Variants in GYPB observed in about 807,000 individuals in gnomAD.
GYPB encodes the protein glycophorin-B.
Under a neutral mutation model 15.3 loss-of-function variants are expected in GYPB, and 13 were observed. That is an observed-to-expected ratio of 0.85 (90% CI 0.55 to 1.35). GYPB has a LOEUF of 1.35. GYPB is among the 40% of genes most tolerant of loss of function. GYPB has a pLI of 0.00. For synonymous variants in GYPB, 38 were observed against 36.9 expected (o/e 1.03, Z -0.11); for missense variants, 131 against 108.3 (o/e 1.21, Z -0.93).
chr4:144,001,087 G>A lies in GYPB; in HGVS notation c.136+98C>T. ...GTCTACTTAGCTCGCATTTCTCAGT[G>A]TTTGTCAGTTTCTCTGCAGTGACAG... On this transcript the variant is annotated intron_variant, in intron 2 of 4. Coordinates refer to ENST00000502664, the MANE Select transcript of GYPB (RefSeq NM_002100.6). 5.6e-6 allele frequency: 9 copies of A among 1,594,640 alleles called. 1 individual carries two copies. Among genetic ancestry groups the A allele is most frequent in the Middle Eastern group, 3.3e-4 (2 of 6,004 alleles).
chr4:143,995,996 C>T (rs182637125), downstream of GYPB: 1,871 of 454,782 alleles, frequency 4.1e-3, 86 homozygotes, highest in African/African-American at 0.031. Flanking sequence ...GCATGTTCTC[C>T]GCTGTTGGCT....
chr4:143,999,230 A>C, intron 3 of GYPB, 181 bp downstream of exon 3: 1 of 524,172 alleles, frequency 1.9e-6, no homozygotes, highest in East Asian at 3.8e-5. Flanking sequence ...TTTAAAAATA[A>C]GAAATGCCTA....
intron 3 of GYPB, among the ~76,000 whole-genome samples, chr4:143,998,472 A>G (rs1218436752): frequency 6.7e-6 from 1 of 150,244 alleles, no homozygotes; most frequent in Non-Finnish European, 1.5e-5. Context: ...CTTCTTGACC[A>G]CTTAGCTTGA....
chr4:144,017,337 C>CA (rs201667502), intron 1 of GYPB, among the ~76,000 whole-genome samples: 15,139 of 99,370 alleles, frequency 0.15, 2,328 homozygotes, highest in African/African-American at 0.4. Context: ...TTTTTCATAG[C>CA]AAAAAAAAAA....
intron 1 of GYPB, among the ~76,000 whole-genome samples, chr4:144,009,979 AG>A (rs754721753): frequency 2.0e-4 from 31 of 151,334 alleles, no homozygotes; most frequent in Non-Finnish European, 4.1e-4. Flanking sequence ...ATACAAAACT[AG>A]GGGGCCAGCC....
chr4:144,016,534 G>C (rs917235210), intron 1 of GYPB, among the ~76,000 whole-genome samples: 3 of 150,918 alleles, frequency 2.0e-5, no homozygotes, highest in Non-Finnish European at 4.4e-5. Flanking sequence ...AACTGTGCTA[G>C]ATTCTGGGAA....
At chr4:143,999,967 T>C (rs571049223) in intron 2 of GYPB, 127 of 172,082 alleles carry the variant, frequency 7.4e-4, no homozygotes, top group Admixed American at 2.6e-3. Context: ...TCAGTAGCAA[T>C]TGATAGTATG....
At chr4:144,004,518 G>C (rs760799431) in intron 1 of GYPB, among the ~76,000 whole-genome samples, 3 of 5,782 alleles carry the variant, frequency 5.2e-4, no homozygotes, top group Non-Finnish European at 4.0e-3. Context: ...TAAATAATTT[G>C]GTAGTTATTC....
At chr4:144,014,856 G>C (rs529818136) in intron 1 of GYPB, among the ~76,000 whole-genome samples, 7 of 151,604 alleles carry the variant, frequency 4.6e-5, no homozygotes, top group African/African-American at 1.7e-4. Context: ...CAAAGTAAGT[G>C]CTATATCAGT....
At position 143,998,732 on chromosome 4, in the gene GYPB, A is replaced by G. The variant is rs569769440; in HGVS notation, c.175+679T>C. On this transcript the variant is annotated intron_variant, in intron 3 of 4. Coordinates refer to ENST00000502664, the MANE Select transcript of GYPB (RefSeq NM_002100.6). Reference sequence around the variant, plus strand: ...CAGTACCAGTTAATTAGATGATTTTAAATGCCTTGCTTTTTACATGAGGGC... The same window carrying G: ...CAGTACCAGTTAATTAGATGATTTTGAATGCCTTGCTTTTTACATGAGGGC... 8.6e-5 allele frequency among the ~76,000 whole-genome samples: 12 copies of G among 139,210 alleles called. No individual in the cohort carries two copies. In the East Asian group the frequency reaches 2.4e-3, roughly 27 times the overall value. The allele number at this position is 139,210 out of a possible 152,430, so 91.3% of individuals were successfully genotyped here.
chr4:144,015,635 C>T (rs934397969), intron 1 of GYPB, among the ~76,000 whole-genome samples: 9 of 151,430 alleles, frequency 5.9e-5, no homozygotes, highest in Non-Finnish European at 8.8e-5. Context: ...TTTAAAATCA[C>T]TACGAAGTAA....
chr4:144,007,633 T>C (rs1727990569), intron 1 of GYPB, among the ~76,000 whole-genome samples: 1 of 151,522 alleles, frequency 6.6e-6, no homozygotes, highest in South Asian at 2.1e-4. Flanking sequence ...GAAATCAAGA[T>C]GAATTTCTGT....
intron 3 of GYPB, among the ~76,000 whole-genome samples, chr4:143,998,332 A>G (rs577947712): frequency 4.6e-5 from 7 of 151,482 alleles, no homozygotes; most frequent in African/African-American, 1.5e-4. Flanking sequence ...TATTTGTAGT[A>G]CTTCCAGATG....
At chr4:144,004,172 C>G (rs57855671) in intron 1 of GYPB, among the ~76,000 whole-genome samples, 1 of 151,822 alleles carries the variant, frequency 6.6e-6, no homozygotes, top group Admixed American at 6.5e-5. Flanking sequence ...GATACAACTT[C>G]TTATAGTCAC....
rs138040144 is a variant in GYPB at position 144,017,394 on chromosome 4, G to A, written c.37+1857C>T. Among the ~76,000 whole-genome samples, 97 of 150,034 alleles carry A rather than the reference G, an allele frequency of 6.5e-4. 4 individuals are homozygous for A. The highest frequency in any genetic ancestry group is 1.9e-3 in the African/African-American group (76 of 40,150). On this transcript the variant is annotated intron_variant, in intron 1 of 4. Transcript: ENST00000502664. ...AAAGACTTCACCATGTTTAGTCTTC[G>A]GCTAATCAGTATGGGGGAAAAACTT...
intron 1 of GYPB, among the ~76,000 whole-genome samples, chr4:144,016,136 C>T (rs1393129672): frequency 1.2e-5 from 1 of 86,016 alleles, no homozygotes; most frequent in Non-Finnish European, 2.0e-5. Flanking sequence ...CTTCTTGGAT[C>T]CCTGAAAAAA....
chr4:143,999,155 G>T, intron 3 of GYPB: 1 of 338,522 alleles, frequency 3.0e-6, no homozygotes, highest in Non-Finnish European at 5.5e-6. Flanking sequence ...TGATTAGCCA[G>T]GCTTGGCCTC....
intron 3 of GYPB, 83 bp from the exon 4 acceptor site, chr4:143,997,717 AC>A (rs1458756584): frequency 2.7e-6 from 2 of 748,848 alleles, no homozygotes; most frequent in East Asian, 5.1e-5. Flanking sequence ...CATCAGCATA[AC>A]ATCACCTTGC....
intron 1 of GYPB, among the ~76,000 whole-genome samples, chr4:144,005,638 C>A (rs1381520003): frequency 1.3e-5 from 2 of 151,640 alleles, no homozygotes; most frequent in Non-Finnish European, 2.9e-5. Context: ...AGGAACACAT[C>A]CAGTCTCTAC....
Sources: gnomAD v4.1 joint callset for allele counts (sites outside exome capture counted in the v4.1 genomes callset) on GRCh38, gnomAD v4.1.1 for gene constraint, MANE v1.5 for transcripts, NCBI Gene and HGNC (gene_info 2026-07-23, HGNC 2026-07-21) for gene names.